The following PDE4B variants were observed in gnomAD, a reference collection of about 807,000 sequenced individuals.
The protein encoded by PDE4B is 3',5'-cyclic-AMP phosphodiesterase 4B.
PDE4B carries 20 observed loss-of-function variants against 82.2 expected under a neutral mutation model. The ratio of observed to expected loss-of-function variants is 0.24; its 90% confidence interval spans 0.17 to 0.35. The LOEUF (loss-of-function observed/expected upper bound fraction) is 0.35. Ranked by LOEUF, PDE4B falls within the 10% of genes least tolerant of loss-of-function variation. The pLI is 1.00. For missense variants in PDE4B, 655 were observed against 907.2 expected, an observed-to-expected ratio of 0.72 and a Z score of 3.57; for synonymous variants, 320 against 318.9, an observed-to-expected ratio of 1.00 and a Z score of -0.04.
At chr1:66,339,006 G>A (rs1173969268) in intron 8 of PDE4B, among the ~76,000 whole-genome samples, 19 of 137,542 alleles carry the variant, frequency 1.4e-4, no homozygotes, top group Non-Finnish European at 2.0e-4. Context: ...GCGACAGAGC[G>A]AGACTCCGTC....
chr1:65,956,229 A>G (rs751209479), intron 3 of PDE4B, among the ~76,000 whole-genome samples: 35 of 152,134 alleles, frequency 2.3e-4, no homozygotes, highest in Non-Finnish European at 4.7e-4. Context: ...GGATATATTT[A>G]AGGTTTGGGA....
chr1:66,009,054 A>G (rs1652317810), intron 3 of PDE4B, among the ~76,000 whole-genome samples: 2 of 152,030 alleles, frequency 1.3e-5, no homozygotes, highest in South Asian at 4.2e-4. Flanking sequence ...GACAGCCAAA[A>G]CTTAGCACAT....
At chr1:65,921,596 G>A (rs1005408215) in intron 3 of PDE4B, among the ~76,000 whole-genome samples, 1 of 152,176 alleles carries the variant, frequency 6.6e-6, no homozygotes, top group African/African-American at 2.4e-5. Flanking sequence ...TATGAGCTTT[G>A]CAGTCTCTGT....
intron 3 of PDE4B, among the ~76,000 whole-genome samples, chr1:66,190,923 C>T (rs111710919): frequency 0.04 from 6,038 of 152,202 alleles, 228 homozygotes; most frequent in African/African-American, 0.1. Context: ...CCGTCTTCTG[C>T]GTCACTCACG....
intron 7 of PDE4B, among the ~76,000 whole-genome samples, chr1:66,294,522 T>C (rs1200390421): frequency 6.6e-6 from 1 of 152,158 alleles, no homozygotes; most frequent in African/African-American, 2.4e-5. Flanking sequence ...ATTAGCCAAA[T>C]AATTTAGGTA....
At position 65,967,388 on chromosome 1, in the gene PDE4B, A is replaced by C. The variant is rs532717424; in HGVS notation, c.281+48553A>C. Among the ~76,000 whole-genome samples, 123 of 152,244 alleles carry C rather than the reference A, an allele frequency of 8.1e-4. 1 individual carries two copies. The highest frequency in any genetic ancestry group is 2.6e-3 in the African/African-American group (110 of 41,562). On this transcript the variant is annotated intron_variant, in intron 3 of 16. Transcript: ENST00000341517. Reference sequence around the variant, plus strand: ...ATCATTAAAAAGTCAGGAAACAGCAAGTTGCTGGAGAGGATGTGGAGAAAT... The same window carrying C: ...ATCATTAAAAAGTCAGGAAACAGCACGTTGCTGGAGAGGATGTGGAGAAAT...
chr1:66,184,582 T>C lies in PDE4B; in HGVS notation c.282-62878T>C, dbSNP rs547444509. ...TTCTCTATTTGAGAGAACATATCCC[T>C]TAACCTGTTAGCTAAAAGTGCACTT... is the stretch of plus-strand genomic sequence containing the variant. On this transcript the variant is annotated intron_variant, in intron 3 of 16. Transcript: ENST00000341517. Among the ~76,000 whole-genome samples, 5 of 152,306 alleles carry C rather than the reference T, an allele frequency of 3.3e-5. 1 individual carries two copies. The Middle Eastern group carries it at 0.017, about 518-fold the overall frequency.
chr1:65,952,773 T>A (rs1328288178), intron 3 of PDE4B, among the ~76,000 whole-genome samples: 1 of 152,132 alleles, frequency 6.6e-6, no homozygotes, highest in Non-Finnish European at 1.5e-5. Flanking sequence ...CTCAACCACG[T>A]TGATAGGAAG....
At chr1:66,040,394 A>C (rs1275386204) in intron 3 of PDE4B, among the ~76,000 whole-genome samples, 2 of 151,992 alleles carry the variant, frequency 1.3e-5, no homozygotes, top group Non-Finnish European at 2.9e-5. Flanking sequence ...GCACAAATAC[A>C]TGTTTCTTCC....
intron 3 of PDE4B, among the ~76,000 whole-genome samples, chr1:66,033,006 C>T (rs184769114): frequency 6.6e-6 from 1 of 152,280 alleles, no homozygotes; most frequent in East Asian, 1.9e-4. Flanking sequence ...TCTTCTCTCC[C>T]TCGCTTCCTT....
rs775294909 is a variant in PDE4B at position 65,921,743 on chromosome 1, C to T, written c.281+2908C>T. ...CTGGATTTGGCCTGCCAGAGTTTGC[C>T]GACTTTGAAAAGTCTCCCTTAGAAA... On this transcript the variant is annotated intron_variant, in intron 3 of 16. Coordinates refer to ENST00000341517, the MANE Select transcript of PDE4B (RefSeq NM_002600.4). Among the ~76,000 whole-genome samples the T allele has an allele frequency of 3.9e-5, 6 of 152,156 alleles. No homozygotes were observed. In the East Asian group the frequency reaches 7.7e-4, roughly 20 times the overall value.
intron 3 of PDE4B, among the ~76,000 whole-genome samples, chr1:65,941,611 C>A (rs1648452928): frequency 6.6e-6 from 1 of 151,894 alleles, no homozygotes; most frequent in Admixed American, 6.6e-5. Flanking sequence ...AAAACAAAGT[C>A]CTTGGGAGAT....
intron 3 of PDE4B, among the ~76,000 whole-genome samples, chr1:66,103,415 T>A (rs1566527): frequency 0.49 from 74,924 of 151,968 alleles, 19,008 homozygotes; most frequent in East Asian, 0.67. Flanking sequence ...TATGTCTTAA[T>A]CTTTTGATAT....
rs190690264 is a variant in PDE4B, at chr1:65,899,708, G to T, written c.-70-13537G>T. Among the ~76,000 whole-genome samples, 1,002 of 149,786 alleles carry T rather than the reference G, an allele frequency of 6.7e-3. 12 individuals are homozygous for T. Among genetic ancestry groups the T allele is most frequent in the African/African-American group, 0.023 (946 of 41,014 alleles). ...ATGGAATAGTACTCAGCCATAAAAAGGAATGAATTAATGGCATTTGCAGTG... is the reference window on the plus strand; with the variant it reads ...ATGGAATAGTACTCAGCCATAAAAATGAATGAATTAATGGCATTTGCAGTG... On this transcript the variant is annotated intron_variant, in intron 1 of 16. Transcript: ENST00000341517.
intron 1 of PDE4B, among the ~76,000 whole-genome samples, chr1:65,809,296 A>T (rs930963830): frequency 7.2e-6 from 1 of 139,246 alleles, no homozygotes; most frequent in Non-Finnish European, 1.5e-5. Context: ...GCACCACTGC[A>T]ATCTAGCCTG....
intron 3 of PDE4B, among the ~76,000 whole-genome samples, chr1:66,028,435 T>C (rs912104948): frequency 6.6e-6 from 1 of 152,156 alleles, no homozygotes; most frequent in Non-Finnish European, 1.5e-5. Flanking sequence ...TGAAGGTCTC[T>C]GATGTGGCCT....
rs552134630 is a variant in PDE4B at position 65,982,631 on chromosome 1, C to T, written c.281+63796C>T. 9.9e-5 allele frequency among the ~76,000 whole-genome samples: 15 copies of T among 152,242 alleles called. 1 individual carries two copies. The South Asian group carries it at 3.1e-3, about 32-fold the overall frequency. On this transcript the variant is annotated intron_variant, in intron 3 of 16. Coordinates refer to ENST00000341517, the MANE Select transcript of PDE4B (RefSeq NM_002600.4). ...GACCCTCTTGTCTGGTGGTTTGGAA[C>T]CCTGTGAATTGCACAGGAGGCCAAC...
intron 7 of PDE4B, among the ~76,000 whole-genome samples, chr1:66,288,020 G>A (rs770308282): frequency 7.2e-5 from 11 of 152,056 alleles, no homozygotes; most frequent in Middle Eastern, 3.4e-3. Context: ...TTGCATTGCC[G>A]TAAAGAAATA....
chr1:65,838,525 G>GTA (rs200139362), intron 1 of PDE4B, among the ~76,000 whole-genome samples: 1 of 146,774 alleles, frequency 6.8e-6, no homozygotes, highest in African/African-American at 2.5e-5. Context: ...ATATGTATAT[G>GTA]TATATATATG....
Sources: allele counts gnomAD v4.1 joint callset (sites outside exome capture counted in the v4.1 genomes callset), GRCh38; gene constraint gnomAD v4.1.1; transcripts MANE v1.5; gene names NCBI Gene and HGNC (gene_info 2026-07-23, HGNC 2026-07-21).